The following COMMD1 variants were observed in gnomAD, a reference collection of about 807,000 sequenced individuals.
COMMD1 encodes the protein copper metabolism domain containing 1, also known as COMM domain-containing protein 1.
A neutral mutation model predicts 17.2 loss-of-function variants in COMMD1; 10 were observed. That is an observed-to-expected ratio of 0.58 (90% CI 0.36 to 0.99). COMMD1 has a LOEUF of 0.99. Among genes scored for constraint, COMMD1 ranks in the 50% least tolerant of loss-of-function variants. COMMD1 has a pLI of 0.01. For synonymous variants in COMMD1, 97 were observed against 91.6 expected (o/e 1.06, Z -0.34); for missense variants, 270 against 231.8 (o/e 1.17, Z -1.07).
intron 1 of COMMD1, among the ~76,000 whole-genome samples, chr2:61,894,706 T>A (rs556947654): frequency 1.6e-4 from 23 of 146,770 alleles, no homozygotes; most frequent in Admixed American, 2.0e-4. Context: ...AAAAAAAAAA[T>A]TTTTTTTTTT....
chr2:61,891,610 C>T (rs1380572343), intron 1 of COMMD1, among the ~76,000 whole-genome samples: 1 of 151,756 alleles, frequency 6.6e-6, no homozygotes, highest in Non-Finnish European at 1.5e-5. Flanking sequence ...TGCCTGTAAT[C>T]CCAGCTGTTC....
intron 1 of COMMD1, among the ~76,000 whole-genome samples, chr2:61,922,052 G>A (rs1572964651): frequency 6.6e-6 from 1 of 152,086 alleles, no homozygotes; most frequent in Non-Finnish European, 1.5e-5. Context: ...GACTATACAA[G>A]AAAAATTGTA....
intron 1 of COMMD1, among the ~76,000 whole-genome samples, chr2:61,908,704 C>T (rs1669833224): frequency 6.6e-6 from 1 of 151,976 alleles, no homozygotes; most frequent in South Asian, 2.1e-4. Context: ...GGATTACAGG[C>T]ACCAGCCACC....
intron 2 of COMMD1, among the ~76,000 whole-genome samples, chr2:62,130,586 A>G (rs1374793472): frequency 6.6e-6 from 1 of 152,258 alleles, no homozygotes; most frequent in African/African-American, 2.4e-5. Context: ...TGATCCATAA[A>G]TTAGAGGATA....
intron 1 of COMMD1, among the ~76,000 whole-genome samples, chr2:61,925,883 C>T (rs1207581359): frequency 6.6e-6 from 1 of 152,104 alleles, no homozygotes; most frequent in Non-Finnish European, 1.5e-5. Flanking sequence ...GTATTTAGAT[C>T]CACTGACAAT....
At chr2:62,116,996 CAAA>C (rs11350513) in intron 2 of COMMD1, among the ~76,000 whole-genome samples, 86 of 100,864 alleles carry the variant, frequency 8.5e-4, no homozygotes, top group African/African-American at 2.5e-3. Flanking sequence ...AACTTCGTCT[CAAA>C]AAAAAAAAAA....
chr2:62,080,168 T>C (rs1027041352), intron 2 of COMMD1, among the ~76,000 whole-genome samples: 3 of 151,698 alleles, frequency 2.0e-5, no homozygotes, highest in Non-Finnish European at 4.4e-5. Flanking sequence ...AGATGAAGAC[T>C]TGGGCCAGGA....
chr2:61,995,236 C>A (rs575442089), intron 1 of COMMD1, among the ~76,000 whole-genome samples: 2 of 152,172 alleles, frequency 1.3e-5, no homozygotes, highest in Non-Finnish European at 2.9e-5. Flanking sequence ...AGGCGTGTGA[C>A]ACCACACTGG....
intron 1 of COMMD1, among the ~76,000 whole-genome samples, chr2:61,974,401 C>T (rs556402873): frequency 7.8e-4 from 118 of 151,858 alleles, no homozygotes; most frequent in African/African-American, 2.3e-3. Flanking sequence ...TGGCCGGGCT[C>T]GGTGGCTCAC....
At chr2:62,119,632 C>G (rs561968535) in intron 2 of COMMD1, among the ~76,000 whole-genome samples, 1 of 152,180 alleles carries the variant, frequency 6.6e-6, no homozygotes, top group African/African-American at 2.4e-5. Context: ...CTAACTATGC[C>G]TATTTCTCCC....
intron 2 of COMMD1, among the ~76,000 whole-genome samples, chr2:62,003,230 C>CA (rs755266437): frequency 0.05 from 6,459 of 128,868 alleles, 265 homozygotes; most frequent in African/African-American, 0.13. Context: ...GGCGCTGTCT[C>CA]AAAAAAAAAA....
At chr2:62,011,100 G>A (rs925750011) in intron 2 of COMMD1, among the ~76,000 whole-genome samples, 1 of 152,060 alleles carries the variant, frequency 6.6e-6, no homozygotes, top group Non-Finnish European at 1.5e-5. Flanking sequence ...GATATGGCTA[G>A]CCTTTTCACT....
At chr2:61,888,637 A>C (rs1669322693), upstream of COMMD1, 3 of 1,130,882 alleles carry the variant, frequency 2.7e-6, no homozygotes, top group South Asian at 1.6e-5. Flanking sequence ...CGGCGTCGGG[A>C]GGAGGCGGAG....
Position 62,012,506 on chromosome 2 carries a change from C to A in COMMD1, c.462+11524C>A, listed in dbSNP as rs933550628. On this transcript the variant is annotated intron_variant, in intron 2 of 2. Coordinates refer to ENST00000311832, the MANE Select transcript of COMMD1 (RefSeq NM_152516.4). ...GCTAATTTTGTGTTTTTAGTAGAGA[C>A]GGGGTTTCTCCATGTTGGTGAGGCT... is the stretch of plus-strand genomic sequence containing the variant. Among the ~76,000 whole-genome samples, 12 of 151,764 alleles carry A rather than the reference C, an allele frequency of 7.9e-5. No individual in the cohort carries two copies. In the South Asian group the frequency reaches 2.3e-3, roughly 29 times the overall value.
At chr2:61,969,046 A>G (rs1573013423) in intron 1 of COMMD1, 1 of 436,074 alleles carries the variant, frequency 2.3e-6, no homozygotes, top group South Asian at 1.6e-5. Context: ...GTGGCCTTGA[A>G]CTCCTGGGCT....
chr2:62,063,690 CTT>C (rs756556076), intron 2 of COMMD1, among the ~76,000 whole-genome samples: 6 of 151,660 alleles, frequency 4.0e-5, no homozygotes, highest in African/African-American at 9.7e-5. Flanking sequence ...AAATTAAACT[CTT>C]TTGTATAAAC....
At chr2:61,931,785 A>T (rs1372228562) in intron 1 of COMMD1, among the ~76,000 whole-genome samples, 1 of 152,240 alleles carries the variant, frequency 6.6e-6, no homozygotes, top group East Asian at 1.9e-4. Context: ...AAATTATGGT[A>T]TATCAGTAAG....
At chr2:61,971,633 AG>A (rs1380686789) in intron 1 of COMMD1, among the ~76,000 whole-genome samples, 1 of 152,148 alleles carries the variant, frequency 6.6e-6, no homozygotes, top group Non-Finnish European at 1.5e-5. Context: ...ACAGTTGTCC[AG>A]GCTAGTCTTG....
At chr2:61,917,425 T>C (rs923814472) in intron 1 of COMMD1, among the ~76,000 whole-genome samples, 1 of 152,126 alleles carries the variant, frequency 6.6e-6, no homozygotes, top group African/African-American at 2.4e-5. Context: ...GCGTTAGTGA[T>C]GAGTTTTTTA....
Sources: allele counts gnomAD v4.1 joint callset (sites outside exome capture counted in the v4.1 genomes callset), GRCh38; gene constraint gnomAD v4.1.1; transcripts MANE v1.5; gene names NCBI Gene and HGNC (gene_info 2026-07-23, HGNC 2026-07-21).